RTF1: variants seen among roughly 807,000 people sequenced by gnomAD.
RTF1 encodes the protein RNA polymerase-associated protein RTF1 homolog.
In RTF1, 10 loss-of-function variants were observed where a neutral mutation model predicts 95.7. The observed-to-expected ratio is 0.10, with a 90% CI of 0.06 to 0.18. RTF1 has a LOEUF of 0.18. RTF1 is among the 10% of genes least tolerant of loss of function. The probability of loss-of-function intolerance (pLI) is 1.00; values close to 1 mark genes in which losing one functional copy is unlikely to be tolerated. For missense variants in RTF1, 458 were observed against 875.6 expected, an observed-to-expected ratio of 0.52 and a Z score of 6.02; for synonymous variants, 305 against 311.8, an observed-to-expected ratio of 0.98 and a Z score of 0.23.
intron 8 of RTF1, among the ~76,000 whole-genome samples, chr15:41,471,842 A>G (rs2050913145): frequency 6.6e-6 from 1 of 152,116 alleles, no homozygotes; most frequent in African/African-American, 2.4e-5. Flanking sequence ...TGTAATCCCA[A>G]CACTTTGGGA....
At chr15:41,428,674 G>T (rs1294808520) in intron 1 of RTF1, among the ~76,000 whole-genome samples, 2 of 151,672 alleles carry the variant, frequency 1.3e-5, no homozygotes, top group Non-Finnish European at 2.9e-5. Flanking sequence ...CTGGCTTCAA[G>T]TGATCCTCCC....
chr15:41,460,271 C>A (rs372863207), intron 4 of RTF1, among the ~76,000 whole-genome samples: 8 of 151,542 alleles, frequency 5.3e-5, no homozygotes, highest in African/African-American at 1.9e-4. Context: ...TACAGACGCC[C>A]GCCACAACGC....
intron 1 of RTF1, among the ~76,000 whole-genome samples, chr15:41,417,781 C>G (rs1242775664): frequency 6.6e-6 from 1 of 152,132 alleles, no homozygotes; most frequent in African/African-American, 2.4e-5. Flanking sequence ...GTTTTTCGGA[C>G]AAGGGATGTG....
chr15:41,449,125 C>G (rs2050777543), intron 2 of RTF1, among the ~76,000 whole-genome samples: 1 of 152,006 alleles, frequency 6.6e-6, no homozygotes, highest in Admixed American at 6.6e-5. Context: ...CTCAAGCAAT[C>G]AGCCTGCCTC....
rs546922080 is a variant in RTF1, at chr15:41,480,870, T to G, written c.*183T>G. 7 of 590,812 alleles carry G rather than the reference T, an allele frequency of 1.2e-5. No individual in the cohort carries two copies. The African/African-American group carries it at 1.3e-4, about 11-fold the overall frequency. 36.6% of individuals were successfully genotyped at this position (590,812 alleles called of 1,614,324 possible). ...AGACCTCCTTTGTCTGCACACCATC[T>G]CCCACCAGCCTCCCCTCCCCCAGGG... On this transcript the variant is annotated 3_prime_UTR_variant, in exon 18 of 18. Coordinates refer to ENST00000389629, the MANE Select transcript of RTF1 (RefSeq NM_015138.5).
chr15:41,432,244 A>T (rs369382548), intron 1 of RTF1, among the ~76,000 whole-genome samples: 1 of 136,590 alleles, frequency 7.3e-6, no homozygotes, highest in African/African-American at 2.8e-5. Flanking sequence ...CTCAGTCTGG[A>T]TGGAGTGCAG....
intron 1 of RTF1, among the ~76,000 whole-genome samples, chr15:41,420,002 G>A (rs1005095659): frequency 9.9e-5 from 15 of 151,988 alleles, no homozygotes; most frequent in Admixed American, 7.2e-4. Flanking sequence ...TGTATTTTTA[G>A]TGGAGACAGG....
intron 3 of RTF1, among the ~76,000 whole-genome samples, chr15:41,454,999 C>T (rs184486796): frequency 3.0e-4 from 46 of 152,120 alleles, no homozygotes; most frequent in African/African-American, 9.6e-4. Flanking sequence ...ATTCAGTGCA[C>T]CAACAAGTGG....
At position 41,424,940 on chromosome 15, in the gene RTF1, C is replaced by T. The variant is rs1354872119; in HGVS notation, c.198+7627C>T. 2.8e-5 allele frequency among the ~76,000 whole-genome samples: 4 copies of T among 142,140 alleles called. No individual in the cohort carries two copies. The East Asian group carries it at 8.6e-4, about 31-fold the overall frequency. The allele number at this position is 142,140 out of a possible 152,430, so 93.2% of individuals were successfully genotyped here. ...ATGAGAATCCCTTGAACCTAGGAGG[C>T]GGAGGTTGCAGTGAGCCGAGATCAC... On this transcript the variant is annotated intron_variant, in intron 1 of 17. Coordinates refer to ENST00000389629, the MANE Select transcript of RTF1 (RefSeq NM_015138.5).
rs527327852 is a variant in RTF1 at position 41,476,539 on chromosome 15, C to T, written c.1560+16C>T. ...GAAGGAAAAGGTAAGGAGTTGTACT[C>T]GAGCCTCTTTCCTCATCCTGTAAGG... On this transcript the variant is annotated intron_variant, in intron 12 of 17. Transcript: ENST00000389629. The T allele has an allele frequency of 5.0e-6, 8 of 1,604,030 alleles. No individual in the cohort carries two copies. In the Admixed American group the frequency reaches 6.7e-5, roughly 13 times the overall value.
At chr15:41,424,049 C>T (rs925013380) in intron 1 of RTF1, among the ~76,000 whole-genome samples, 10 of 152,180 alleles carry the variant, frequency 6.6e-5, no homozygotes, top group African/African-American at 1.9e-4. Flanking sequence ...CCACCGCATC[C>T]GGCCTGATTG....
chr15:41,475,000 G>A (rs1016252689), intron 9 of RTF1, among the ~76,000 whole-genome samples: 3 of 152,168 alleles, frequency 2.0e-5, no homozygotes, highest in African/African-American at 7.2e-5. Context: ...TGTCCAAGAG[G>A]CTTGCTTCTG....
At chr15:41,431,309 G>A (rs1223548857) in intron 1 of RTF1, among the ~76,000 whole-genome samples, 1 of 148,984 alleles carries the variant, frequency 6.7e-6, no homozygotes, top group Admixed American at 6.8e-5. Flanking sequence ...CTGCCTTCTG[G>A]TTTCAAGCAA....
chr15:41,420,109 C>G (rs1265133964), intron 1 of RTF1, among the ~76,000 whole-genome samples: 2 of 152,174 alleles, frequency 1.3e-5, no homozygotes, highest in African/African-American at 4.8e-5. Flanking sequence ...GCATGAGCCA[C>G]CGTGCTTGGC....
At chr15:41,449,261 C>G (rs1488940066) in intron 2 of RTF1, among the ~76,000 whole-genome samples, 1 of 125,824 alleles carries the variant, frequency 7.9e-6, no homozygotes, top group Admixed American at 8.2e-5. Context: ...GACAGAGTCT[C>G]GCTCTGTTGC....
rs1376285058 is a variant in RTF1, at chr15:41,481,560, C to T, written c.*873C>T. On this transcript the variant is annotated 3_prime_UTR_variant, in exon 18 of 18. Coordinates refer to ENST00000389629, the MANE Select transcript of RTF1 (RefSeq NM_015138.5). The stretch of plus-strand genomic sequence containing the variant: ...AGCCCCCTGACCTGCAGGCTGTGTC[C>T]TGGCAGGTGTGGGAGGGAAGCCCAT... 2.6e-5 allele frequency: 4 copies of T among 152,522 alleles called. No homozygotes were observed. Among genetic ancestry groups the T allele is most frequent in the Non-Finnish European group, 4.4e-5 (3 of 68,034 alleles). The allele number at this position is 152,522 out of a possible 1,614,324, so 9.4% of individuals were successfully genotyped here. A position where few individuals can be genotyped will look rare whatever the true frequency, so the allele number is the denominator to read the frequency against.
intron 8 of RTF1, among the ~76,000 whole-genome samples, chr15:41,473,866 T>A (rs1335414773): frequency 6.6e-6 from 1 of 151,698 alleles, no homozygotes; most frequent in African/African-American, 2.4e-5. Context: ...GTGAAACCCC[T>A]CTCTACTAAA....
At chr15:41,434,973 T>C (rs2050694748) in intron 1 of RTF1, among the ~76,000 whole-genome samples, 1 of 146,394 alleles carries the variant, frequency 6.8e-6, no homozygotes, top group African/African-American at 2.5e-5. Context: ...TTTTTTTTTT[T>C]TTTTTGAGAT....
intron 2 of RTF1, among the ~76,000 whole-genome samples, chr15:41,442,554 G>A (rs531353422): frequency 3.6e-4 from 54 of 151,912 alleles, no homozygotes; most frequent in African/African-American, 1.2e-3. Context: ...TGTCTTTAAC[G>A]CCTGCAGATT....
Sources: allele counts gnomAD v4.1 joint callset (sites outside exome capture counted in the v4.1 genomes callset), GRCh38; gene constraint gnomAD v4.1.1; transcripts MANE v1.5; gene names NCBI Gene and HGNC (gene_info 2026-07-23, HGNC 2026-07-21).